The following IL1RAPL2 variants were observed in gnomAD, a reference collection of about 807,000 sequenced individuals.
IL1RAPL2 encodes the protein interleukin 1 receptor accessory protein like 2, also known as X-linked interleukin-1 receptor accessory protein-like 2.
Under a neutral mutation model 44.1 loss-of-function variants are expected in IL1RAPL2, and 3 were observed. The observed-to-expected ratio is 0.07, with a 90% CI of 0.03 to 0.18. The LOEUF (loss-of-function observed/expected upper bound fraction) is 0.18, where lower values mean the gene tolerates loss of function less well. Ranked by LOEUF, IL1RAPL2 falls within the 10% of genes least tolerant of loss-of-function variation. The pLI, the probability that IL1RAPL2 is intolerant of heterozygous loss-of-function variation, is 1.00. For missense variants in IL1RAPL2, 391 were observed against 496.4 expected (o/e 0.79, Z 2.02); for synonymous variants, 181 against 178.8 (o/e 1.01, Z -0.10).
chrX:104,988,552 G>T (rs1171594667), intron 2 of IL1RAPL2, among the ~76,000 whole-genome samples: 1 of 112,016 alleles, frequency 8.9e-6, no homozygotes, highest in African/African-American at 3.2e-5. Context: ...GCCGTCTTTT[G>T]TTAGCACATG....
intron 2 of IL1RAPL2, among the ~76,000 whole-genome samples, chrX:104,821,759 C>A (rs962090350): frequency 8.9e-6 from 1 of 111,954 alleles, no homozygotes; most frequent in Non-Finnish European, 1.9e-5. Context: ...GTTATATACC[C>A]AGTAATGGGA....
chrX:105,596,656 A>G (rs1171465116), intron 6 of IL1RAPL2, among the ~76,000 whole-genome samples: 1 of 111,889 alleles, frequency 8.9e-6, no homozygotes, highest in Non-Finnish European at 1.9e-5. Flanking sequence ...AATGTTATGT[A>G]TATGCCTGTT....
chrX:105,736,441 CA>C lies in IL1RAPL2; in HGVS notation c.903-4104del, dbSNP rs1404389825. ...ATCAACAGAGTAAACAGACAACCTA[CA>C]GAATGGGAGAAAATATTTGCAAACT... On this transcript the variant is annotated intron_variant, in intron 7 of 10. Transcript: ENST00000372582. 1.4e-4 allele frequency among the ~76,000 whole-genome samples: 15 copies of C among 107,129 alleles called. No homozygotes were observed. In the Admixed American group the frequency reaches 1.5e-3, roughly 11 times the overall value. 93.0% of individuals were successfully genotyped at this position (107,129 alleles called of 115,157 possible).
At chrX:104,839,036 A>G (rs748434271) in intron 2 of IL1RAPL2, among the ~76,000 whole-genome samples, 25 of 106,205 alleles carry the variant, frequency 2.4e-4, no homozygotes, top group Non-Finnish European at 4.1e-4. Flanking sequence ...TTTATTAGAG[A>G]TGGGCTTTCA....
chrX:104,975,731 C>G, intron 2 of IL1RAPL2, among the ~76,000 whole-genome samples: 1 of 112,106 alleles, frequency 8.9e-6, no homozygotes, highest in South Asian at 3.7e-4. Context: ...TTTAGGGGCC[C>G]CAGTACAGGG....
intron 7 of IL1RAPL2, among the ~76,000 whole-genome samples, chrX:105,721,702 G>C (rs1026739736): frequency 1.8e-5 from 2 of 111,722 alleles, no homozygotes; most frequent in Non-Finnish European, 3.8e-5. Flanking sequence ...GAGTCAACCA[G>C]CTAGGAAATG....
chrX:104,925,704 T>C (rs1924757959), intron 2 of IL1RAPL2, among the ~76,000 whole-genome samples: 1 of 110,957 alleles, frequency 9.0e-6, no homozygotes, highest in Non-Finnish European at 1.9e-5. Context: ...CATACCTTAA[T>C]ATAACAGCAA....
At chrX:104,773,966 T>A (rs770071129) in intron 2 of IL1RAPL2, among the ~76,000 whole-genome samples, 1 of 112,237 alleles carries the variant, frequency 8.9e-6, no homozygotes, top group Non-Finnish European at 1.9e-5. Context: ...CTACCCGTAG[T>A]GCCAAATCTT....
chrX:105,548,985 G>T (rs1261841505), intron 6 of IL1RAPL2, among the ~76,000 whole-genome samples: 1 of 111,858 alleles, frequency 8.9e-6, no homozygotes, highest in African/African-American at 3.3e-5. Flanking sequence ...CAAATATGTT[G>T]TTAGGAAGAT....
chrX:105,548,581 C>A (rs992346764), intron 6 of IL1RAPL2, among the ~76,000 whole-genome samples: 2 of 111,774 alleles, frequency 1.8e-5, no homozygotes, highest in African/African-American at 6.5e-5. Context: ...GGAGTTTTGT[C>A]ATTTTATTTC....
At chrX:105,137,708 TTGTTAAAC>T (rs2033089010) in intron 2 of IL1RAPL2, among the ~76,000 whole-genome samples, 1 of 112,034 alleles carries the variant, frequency 8.9e-6, no homozygotes, top group Non-Finnish European at 1.9e-5. Context: ...AATGACTTAA[TTGTTAAAC>T]TGTCATCTAT....
chrX:105,520,629 C>A (rs2036548276), intron 6 of IL1RAPL2, among the ~76,000 whole-genome samples: 3 of 110,915 alleles, frequency 2.7e-5, no homozygotes, highest in African/African-American at 6.6e-5. Context: ...TTCAAAAATT[C>A]TTCATTTATA....
chrX:105,278,609 A>G (rs1001523412), intron 5 of IL1RAPL2, among the ~76,000 whole-genome samples: 17 of 111,613 alleles, frequency 1.5e-4, no homozygotes, highest in African/African-American at 5.2e-4. Flanking sequence ...TGCTCAGAGA[A>G]CTATCATTTA....
intron 6 of IL1RAPL2, among the ~76,000 whole-genome samples, chrX:105,607,528 T>A (rs2037302964): frequency 9.5e-6 from 1 of 105,494 alleles, no homozygotes; most frequent in South Asian, 4.2e-4. Flanking sequence ...TTCTTTTAAT[T>A]ATGATAACTT....
intron 6 of IL1RAPL2, among the ~76,000 whole-genome samples, chrX:105,584,608 T>C (rs748344918): frequency 2.1e-4 from 23 of 109,846 alleles, no homozygotes; most frequent in Admixed American, 2.0e-3. Context: ...AAGCATTAAA[T>C]AGGAGGAAAG....
chrX:104,997,972 G>T (rs769263084), intron 2 of IL1RAPL2, among the ~76,000 whole-genome samples: 2 of 111,171 alleles, frequency 1.8e-5, no homozygotes, highest in Non-Finnish European at 3.8e-5. Context: ...ATAAATTTAG[G>T]ATTCCTAAGC....
chrX:104,768,814 T>C (rs908507066), intron 2 of IL1RAPL2, among the ~76,000 whole-genome samples: 1 of 111,580 alleles, frequency 9.0e-6, no homozygotes, highest in Non-Finnish European at 1.9e-5. Context: ...TACCTTTGCT[T>C]CTGCTCTTCC....
intron 2 of IL1RAPL2, among the ~76,000 whole-genome samples, chrX:104,674,671 G>T (rs1386237947): frequency 1.8e-5 from 2 of 110,097 alleles, no homozygotes; most frequent in African/African-American, 3.3e-5. Context: ...CAGAAGGAAT[G>T]GTACCAGTTC....
At chrX:104,700,139 T>A (rs910795231) in intron 2 of IL1RAPL2, among the ~76,000 whole-genome samples, 1 of 112,065 alleles carries the variant, frequency 8.9e-6, no homozygotes, top group Non-Finnish European at 1.9e-5. Flanking sequence ...CAATCTAATG[T>A]ACAGATAAGC....
Sources: gnomAD v4.1 joint callset for allele counts (sites outside exome capture counted in the v4.1 genomes callset) on GRCh38, gnomAD v4.1.1 for gene constraint, MANE v1.5 for transcripts, NCBI Gene and HGNC (gene_info 2026-07-23, HGNC 2026-07-21) for gene names.